SAXO1: variants seen among roughly 807,000 people sequenced by gnomAD.
SAXO1 encodes 4930500O09Rik.
SAXO1 carries 21 observed loss-of-function variants against 17.5 expected under a neutral mutation model. The observed-to-expected ratio is 1.20, with a 90% confidence interval of 0.85 to 1.72. The LOEUF (loss-of-function observed/expected upper bound fraction) is 1.72, where lower values mean the gene tolerates loss of function less well. SAXO1 is among the 40% of genes most tolerant of loss of function. The probability of loss-of-function intolerance (pLI) is 0.00; values close to 1 mark genes in which losing one functional copy is unlikely to be tolerated. For missense variants in SAXO1, 843 were observed against 596.0 expected, an observed-to-expected ratio of 1.41 and a Z score of -4.32; for synonymous variants, 274 against 216.5, an observed-to-expected ratio of 1.27 and a Z score of -2.33.
chr9:18,955,080 C>G (rs1221094124), intron 1 of SAXO1, among the ~76,000 whole-genome samples: 1 of 152,096 alleles, frequency 6.6e-6, no homozygotes, highest in African/African-American at 2.4e-5. Context: ...GCCTATCGTC[C>G]CAGCTACTCA....
intron 1 of SAXO1, among the ~76,000 whole-genome samples, chr9:19,003,939 C>A (rs1410378254): frequency 6.6e-6 from 1 of 152,092 alleles, no homozygotes; most frequent in Non-Finnish European, 1.5e-5. Flanking sequence ...AAAGAAACTA[C>A]CATCACAGTT....
chr9:18,963,120 G>A (rs1832557724), intron 1 of SAXO1, among the ~76,000 whole-genome samples: 1 of 152,112 alleles, frequency 6.6e-6, no homozygotes. Flanking sequence ...GATATGTGGT[G>A]TTATTTCTGA....
At chr9:18,934,686 G>A (rs558665425) in intron 3 of SAXO1, among the ~76,000 whole-genome samples, 199 of 152,292 alleles carry the variant, frequency 1.3e-3, no homozygotes, top group Middle Eastern at 3.4e-3. Flanking sequence ...TCTGTTGACT[G>A]CTTTTTCCCC....
At chr9:18,984,873 T>A (rs1833533598) in intron 1 of SAXO1, among the ~76,000 whole-genome samples, 1 of 152,224 alleles carries the variant, frequency 6.6e-6, no homozygotes, top group Non-Finnish European at 1.5e-5. Flanking sequence ...GCTTTCAGCC[T>A]GTCTTGCCTT....
At position 18,980,561 on chromosome 9, in the gene SAXO1, AGAG is replaced by A. The variant is rs1221483483; in HGVS notation, c.39-29627_39-29625del. Among the ~76,000 whole-genome samples the A allele has an allele frequency of 2.5e-3, 332 of 134,240 alleles. 7 individuals are homozygous for A. The highest frequency in any genetic ancestry group is 3.1e-3 in the Admixed American group (42 of 13,486). 88.1% of individuals were successfully genotyped at this position (134,240 alleles called of 152,430 possible). On this transcript the variant is annotated intron_variant, in intron 1 of 3. Coordinates refer to ENST00000380534, the MANE Select transcript of SAXO1 (RefSeq NM_153707.4). The stretch of plus-strand genomic sequence containing the variant: ...GGGAGGGAGGGAGGGAAGAGGAAGA[AGAG>A]GAGGAGGAGGAGGAGGAGGAGGGTG...
intron 1 of SAXO1, among the ~76,000 whole-genome samples, chr9:19,028,972 A>T (rs999805973): frequency 4.6e-5 from 7 of 152,232 alleles, no homozygotes; most frequent in African/African-American, 1.7e-4. Flanking sequence ...AGAACTCCAA[A>T]GGTTTTGCTT....
intron 1 of SAXO1, among the ~76,000 whole-genome samples, chr9:18,977,159 T>A (rs895667439): frequency 6.6e-6 from 1 of 152,236 alleles, no homozygotes; most frequent in South Asian, 2.1e-4. Context: ...ACAGTTATAA[T>A]AAATTTGTTG....
At chr9:18,995,407 C>T (rs996735647) in intron 1 of SAXO1, among the ~76,000 whole-genome samples, 13 of 152,164 alleles carry the variant, frequency 8.5e-5, no homozygotes, top group Admixed American at 7.2e-4. Context: ...TAGCCCAAAG[C>T]GGTTAAAAAG....
At chr9:18,943,400 G>T (rs965051460) in intron 2 of SAXO1, among the ~76,000 whole-genome samples, 1 of 152,208 alleles carries the variant, frequency 6.6e-6, no homozygotes, top group Non-Finnish European at 1.5e-5. Flanking sequence ...AGCAGCCAAG[G>T]GTCAGCTCCT....
Position 18,999,289 on chromosome 9 carries a change from C to T in SAXO1, c.38+33582G>A, listed in dbSNP as rs570427126. Among the ~76,000 whole-genome samples, 5 of 152,302 alleles carry T rather than the reference C, an allele frequency of 3.3e-5. No homozygotes were observed. The South Asian group carries it at 6.2e-4, about 19-fold the overall frequency. On this transcript the variant is annotated intron_variant, in intron 1 of 3. Coordinates refer to ENST00000380534, the MANE Select transcript of SAXO1 (RefSeq NM_153707.4). Reference sequence around the variant, plus strand: ...GGATCTGAGGAGTGCCTCTGCCCAGCGACCGCCCTGTCTGGGATGTGAGGA... The same window carrying T: ...GGATCTGAGGAGTGCCTCTGCCCAGTGACCGCCCTGTCTGGGATGTGAGGA...
chr9:18,977,641 C>T (rs185396329), intron 1 of SAXO1, among the ~76,000 whole-genome samples: 14 of 152,128 alleles, frequency 9.2e-5, no homozygotes, highest in Middle Eastern at 3.4e-3. Flanking sequence ...TTCAGGGGAC[C>T]CATGAGCCAC....
intron 1 of SAXO1, among the ~76,000 whole-genome samples, chr9:18,968,624 A>C (rs185900798): frequency 6.9e-6 from 1 of 144,738 alleles, no homozygotes; most frequent in East Asian, 2.0e-4. Context: ...ACGCAGTTTC[A>C]CTCTTGTTGC....
At chr9:18,990,764 C>T (rs190838904) in intron 1 of SAXO1, among the ~76,000 whole-genome samples, 1 of 152,236 alleles carries the variant, frequency 6.6e-6, no homozygotes, top group East Asian at 1.9e-4. Context: ...GAGTGCAAAC[C>T]CTATCAGTGA....
chr9:18,945,644 C>G (rs1038629210), intron 2 of SAXO1, among the ~76,000 whole-genome samples: 1 of 152,128 alleles, frequency 6.6e-6, no homozygotes, highest in Non-Finnish European at 1.5e-5. Flanking sequence ...GATGGGATTC[C>G]AAGCCCATGC....
intron 1 of SAXO1, among the ~76,000 whole-genome samples, chr9:19,038,625 G>A (rs1415025641): frequency 9.5e-6 from 1 of 105,276 alleles, no homozygotes; most frequent in African/African-American, 3.7e-5. Context: ...GGGGAGGGGG[G>A]AGGGATAGCA....
Position 19,026,068 on chromosome 9 carries a change from A to G in SAXO1, c.38+6803T>C, listed in dbSNP as rs140045073. Reference sequence around the variant, plus strand: ...AATACAGTAGGGTGACTATAGTTATAATTTGCCATATATTTCAAAATAGCT... The same window carrying G: ...AATACAGTAGGGTGACTATAGTTATGATTTGCCATATATTTCAAAATAGCT... On this transcript the variant is annotated intron_variant, in intron 1 of 3. Transcript: ENST00000380534. Among the ~76,000 whole-genome samples the G allele has an allele frequency of 1.6e-4, 25 of 152,062 alleles. No individual in the cohort carries two copies. The East Asian group carries it at 4.2e-3, about 26-fold the overall frequency.
chr9:18,995,215 T>A (rs1213394025), intron 1 of SAXO1, among the ~76,000 whole-genome samples: 1 of 152,202 alleles, frequency 6.6e-6, no homozygotes, highest in Non-Finnish European at 1.5e-5. Flanking sequence ...AATGCAGACA[T>A]GTCAATATCC....
intron 1 of SAXO1, among the ~76,000 whole-genome samples, chr9:19,015,546 G>A (rs1289868155): frequency 2.0e-5 from 3 of 151,934 alleles, no homozygotes; most frequent in South Asian, 2.1e-4. Context: ...GTTTCACCAC[G>A]TTGGCCAAGC....
intron 1 of SAXO1, among the ~76,000 whole-genome samples, chr9:18,955,339 CTCTT>C (rs1832214594): frequency 6.6e-6 from 1 of 152,184 alleles, no homozygotes; most frequent in African/African-American, 2.4e-5. Flanking sequence ...TACTTTCTTA[CTCTT>C]TCTTACTACA....
Sources: gnomAD v4.1 joint callset for allele counts (sites outside exome capture counted in the v4.1 genomes callset) on GRCh38, gnomAD v4.1.1 for gene constraint, MANE v1.5 for transcripts, NCBI Gene and HGNC (gene_info 2026-07-23, HGNC 2026-07-21) for gene names.